RANBP2: variants seen among roughly 807,000 people sequenced by gnomAD.
RANBP2 encodes E3 SUMO-protein ligase RanBP2.
In RANBP2, 57 loss-of-function variants were observed where a neutral mutation model predicts 303.6. The ratio of observed to expected loss-of-function variants is 0.19; its 90% CI spans 0.15 to 0.23. The LOEUF is 0.23. Among genes scored for constraint, RANBP2 ranks in the 10% least tolerant of loss-of-function variants. The pLI is 1.00. For missense variants in RANBP2, 3,138 were observed against 3,780.8 expected, an observed-to-expected ratio of 0.83 and a Z score of 4.46; for synonymous variants, 1,167 against 1,301.5, an observed-to-expected ratio of 0.90 and a Z score of 2.23.
chr2:109,266,303 T>TTG, the RANBP2 span, among the ~76,000 whole-genome samples: 1 of 151,420 alleles, frequency 6.6e-6, no homozygotes, highest in Non-Finnish European at 1.5e-5. Context: ...TGTGTATGTG[T>TTG]TGTGTGTGTG....
At chr2:108,798,602 T>C in the RANBP2 span, 1 of 1,551,088 alleles carries the variant, frequency 6.4e-7, no homozygotes, top group South Asian at 1.2e-5. Flanking sequence ...TATATAGCCT[T>C]TGATTTTAGA....
chr2:109,633,333 C>A, the RANBP2 span, among the ~76,000 whole-genome samples: 30 of 152,108 alleles, frequency 2.0e-4, 1 homozygote, highest in African/African-American at 5.6e-4. Flanking sequence ...GTGGAGGTTG[C>A]AGTGAGCTGA....
chr2:108,812,720 GTTC>G, the RANBP2 span: 4 of 1,606,628 alleles, frequency 2.5e-6, no homozygotes, highest in South Asian at 1.1e-5. Context: ...TAAGTTGCCT[GTTC>G]TTCTCTACAG....
At chr2:108,727,756 C>T (rs1032794476) in intron 1 of RANBP2, among the ~76,000 whole-genome samples, 2 of 151,986 alleles carry the variant, frequency 1.3e-5, no homozygotes, top group African/African-American at 2.4e-5. Flanking sequence ...GGGTGTGCCA[C>T]CATGCCCAGC....
At chr2:109,129,517 G>C in the RANBP2 span, 8 of 1,496,184 alleles carry the variant, frequency 5.3e-6, no homozygotes, top group South Asian at 8.7e-5. Context: ...GCAGCCGCGC[G>C]AGACCGCTGC....
At chr2:109,489,407 C>T in the RANBP2 span, among the ~76,000 whole-genome samples, 1 of 152,350 alleles carries the variant, frequency 6.6e-6, no homozygotes, top group African/African-American at 2.4e-5. Flanking sequence ...CAGTTGTGCT[C>T]TTAGACAACC....
the RANBP2 span, chr2:109,553,205 T>C: frequency 5.6e-6 from 9 of 1,613,964 alleles, no homozygotes; most frequent in Non-Finnish European, 7.6e-6. Context: ...TTTGGCTTCA[T>C]AGGTCTCTTG....
chr2:108,990,232 C>A, the RANBP2 span, among the ~76,000 whole-genome samples: 1 of 151,314 alleles, frequency 6.6e-6, no homozygotes, highest in African/African-American at 2.4e-5. Flanking sequence ...GAGATCGAGA[C>A]CATCCTGGCT....
At chr2:108,844,934 G>A in the RANBP2 span, among the ~76,000 whole-genome samples, 3 of 152,150 alleles carry the variant, frequency 2.0e-5, no homozygotes, top group Non-Finnish European at 4.4e-5. Flanking sequence ...TTTTAGTAGA[G>A]ACGGGGTTTC....
chr2:109,118,468 A>G, the RANBP2 span, among the ~76,000 whole-genome samples: 7 of 151,542 alleles, frequency 4.6e-5, no homozygotes, highest in East Asian at 1.4e-3. Flanking sequence ...ACTGACACAC[A>G]GATACACTGT....
At chr2:109,132,830 A>C in the RANBP2 span, among the ~76,000 whole-genome samples, 1 of 152,300 alleles carries the variant, frequency 6.6e-6, no homozygotes, top group African/African-American at 2.4e-5. Flanking sequence ...CATCAATCAA[A>C]TTGTTTCAGT....
At chr2:109,437,498 A>C in the RANBP2 span, among the ~76,000 whole-genome samples, 1 of 152,200 alleles carries the variant, frequency 6.6e-6, no homozygotes, top group African/African-American at 2.4e-5. Context: ...TCATAGACTA[A>C]TAAGATTAAC....
chr2:109,181,693 A>G, the RANBP2 span, among the ~76,000 whole-genome samples: 1 of 152,082 alleles, frequency 6.6e-6, no homozygotes, highest in African/African-American at 2.4e-5. Context: ...GGGGGTTCCT[A>G]TTCTCTGAGT....
At chr2:108,768,506 C>T in intron 20 of RANBP2, 118 bp downstream of exon 20, 3 of 1,570,444 alleles carry the variant, frequency 1.9e-6, no homozygotes, top group Non-Finnish European at 2.6e-6. Context: ...TGAACACCCC[C>T]AAAATATTTG....
chr2:109,708,791 C>A, the RANBP2 span, among the ~76,000 whole-genome samples: 2 of 151,680 alleles, frequency 1.3e-5, no homozygotes, highest in East Asian at 3.9e-4. Context: ...GCCTGGCCAA[C>A]ATGATGAAAC....
the RANBP2 span, among the ~76,000 whole-genome samples, chr2:109,559,909 G>T: frequency 1.2e-4 from 14 of 115,154 alleles, no homozygotes; most frequent in Non-Finnish European, 2.4e-4. Context: ...TCCAACCAAT[G>T]CCTTTTTTTT....
At chr2:109,456,933 A>G in the RANBP2 span, among the ~76,000 whole-genome samples, 3 of 152,256 alleles carry the variant, frequency 2.0e-5, no homozygotes, top group African/African-American at 7.2e-5. Context: ...GAAGGAGCAC[A>G]GTCATCTCAA....
chr2:109,376,689 A>C, the RANBP2 span, among the ~76,000 whole-genome samples: 1 of 152,208 alleles, frequency 6.6e-6, no homozygotes, highest in Non-Finnish European at 1.5e-5. Flanking sequence ...ACTTATCCTC[A>C]ATAGGATATT....
At chr2:108,925,073 A>G in the RANBP2 span, among the ~76,000 whole-genome samples, 2 of 150,830 alleles carry the variant, frequency 1.3e-5, no homozygotes, top group Non-Finnish European at 3.0e-5. Context: ...TCTCTCTCCC[A>G]CCTAGGGGGA....
Sources: allele counts gnomAD v4.1 joint callset (sites outside exome capture counted in the v4.1 genomes callset), GRCh38; gene constraint gnomAD v4.1.1; transcripts MANE v1.5; gene names NCBI Gene and HGNC (gene_info 2026-07-23, HGNC 2026-07-21).